GTF2IRD1: variants seen among roughly 807,000 people sequenced by gnomAD.
GTF2IRD1 encodes GTF2I repeat domain containing 1.
Under a neutral mutation model 113.2 loss-of-function variants are expected in GTF2IRD1, and 26 were observed. The ratio of observed to expected loss-of-function variants is 0.23; its 90% CI spans 0.17 to 0.32. The LOEUF is 0.32. Among genes scored for constraint, GTF2IRD1 ranks in the 10% least tolerant of loss-of-function variants. The pLI is 1.00. For synonymous variants in GTF2IRD1, 484 were observed against 529.1 expected (o/e 0.91, Z 1.17); for missense variants, 864 against 1,280.8 (o/e 0.67, Z 4.97).
chr7:74,574,726 A>G (rs1184859583), intron 22 of GTF2IRD1, among the ~76,000 whole-genome samples: 1 of 151,140 alleles, frequency 6.6e-6, no homozygotes, highest in Non-Finnish European at 1.5e-5. Context: ...CTTCCAAAGT[A>G]CTGGGATTAC....
At chr7:74,476,092 G>C (rs1794389120) in intron 1 of GTF2IRD1, among the ~76,000 whole-genome samples, 1 of 152,168 alleles carries the variant, frequency 6.6e-6, no homozygotes, top group Non-Finnish European at 1.5e-5. Flanking sequence ...GTGGTGGTGA[G>C]GGATGGGGGT....
intron 22 of GTF2IRD1, among the ~76,000 whole-genome samples, chr7:74,570,031 G>C (rs1800597845): frequency 6.6e-6 from 1 of 152,120 alleles, no homozygotes; most frequent in African/African-American, 2.4e-5. Flanking sequence ...AAGAAGAGCT[G>C]AGTCAGGAGC....
rs587617403 is a variant in GTF2IRD1, at chr7:74,544,311, G to A, written c.1619-444G>A. 2.0e-5 allele frequency among the ~76,000 whole-genome samples: 3 copies of A among 152,194 alleles called. No homozygotes were observed. The South Asian group carries it at 6.2e-4, about 32-fold the overall frequency. ...GGCGATTCTCCTGCCTCAGCCTCCC[G>A]AGTAGCTGGGATTACAGGCATGCGC... On this transcript the variant is annotated intron_variant, in intron 14 of 26. Transcript: ENST00000424337.
intron 22 of GTF2IRD1, among the ~76,000 whole-genome samples, chr7:74,578,691 C>T (rs1450647160): frequency 2.0e-5 from 3 of 152,098 alleles, no homozygotes; most frequent in Admixed American, 6.6e-5. Context: ...TTTGCTGTTA[C>T]TAAGAATGCA....
At chr7:74,599,834 T>A (rs1417290301) in intron 25 of GTF2IRD1, among the ~76,000 whole-genome samples, 1 of 152,024 alleles carries the variant, frequency 6.6e-6, no homozygotes, top group South Asian at 2.1e-4. Flanking sequence ...CAGGTCCTCT[T>A]TATACCCTCC....
chr7:74,523,966 C>G (rs587774600), intron 7 of GTF2IRD1, 105 bp from the exon 8 acceptor site: 1 of 754,334 alleles, frequency 1.3e-6, no homozygotes, highest in African/African-American at 1.7e-5. Context: ...GGGCTGGGGC[C>G]GGCCTCGGGG....
intron 3 of GTF2IRD1, 190 bp from the exon 4 acceptor site, chr7:74,515,251 C>A (rs1796859490): frequency 1.6e-6 from 2 of 1,215,618 alleles, no homozygotes; most frequent in African/African-American, 3.0e-5. Flanking sequence ...CTGAGATGAC[C>A]AGCCCTGGCC....
chr7:74,588,698 C>A (rs1373161305), intron 22 of GTF2IRD1, among the ~76,000 whole-genome samples: 2 of 151,408 alleles, frequency 1.3e-5, no homozygotes, highest in South Asian at 4.2e-4. Flanking sequence ...CCCAGCTAAT[C>A]TTTTTGTATT....
intron 14 of GTF2IRD1, among the ~76,000 whole-genome samples, chr7:74,544,388 GT>G (rs1437497082): frequency 6.6e-6 from 1 of 152,136 alleles, no homozygotes; most frequent in African/African-American, 2.4e-5. Flanking sequence ...ATTTCCCCAT[GT>G]TGGCCAAGCT....
chr7:74,568,626 C>T (rs1407822971), intron 22 of GTF2IRD1, among the ~76,000 whole-genome samples: 17 of 151,906 alleles, frequency 1.1e-4, no homozygotes, highest in South Asian at 1.0e-3. Flanking sequence ...CCAGCCTGTG[C>T]GACAGAGCGA....
intron 1 of GTF2IRD1, among the ~76,000 whole-genome samples, chr7:74,501,148 C>T (rs1554339352): frequency 6.6e-6 from 1 of 152,114 alleles, no homozygotes; most frequent in Non-Finnish European, 1.5e-5. Flanking sequence ...TGAGGGGTCT[C>T]CTCTTTGCCT....
intron 14 of GTF2IRD1, among the ~76,000 whole-genome samples, chr7:74,540,534 G>GTGTACCA (rs1280998424): frequency 6.6e-6 from 1 of 151,980 alleles, no homozygotes; most frequent in Non-Finnish European, 1.5e-5. Flanking sequence ...ACTATTTATT[G>GTGTACCA]AGCATCTGTT....
chr7:74,509,996 C>T (rs1430427473), intron 2 of GTF2IRD1, among the ~76,000 whole-genome samples: 3 of 152,018 alleles, frequency 2.0e-5, no homozygotes, highest in Non-Finnish European at 2.9e-5. Context: ...GTTTTTAGAG[C>T]GAACTTCTGG....
chr7:74,529,849 C>T lies in GTF2IRD1; in HGVS notation c.1206C>T (p.Cys402=), dbSNP rs1554348306. 1.2e-6 allele frequency: 2 copies of T among 1,614,102 alleles called. No individual in the cohort carries two copies. Among genetic ancestry groups the T allele is most frequent in the East Asian group, 4.5e-5 (2 of 44,870 alleles). Residue 402 remains cysteine (C), a synonymous_variant, in exon 9 of 27, where the codon TGC becomes TGT. Transcript: ENST00000424337. ...ACAAGATCCCCTTCAAGCGCCCCTG[C>T]ACTTATGGAGTCCCCAAGCTGAAGC... The part of the protein sequence containing the change: ...IPDKIPFKRP[C]TYGVPKLKRI...
intron 22 of GTF2IRD1, among the ~76,000 whole-genome samples, chr7:74,577,418 T>C (rs587670966): frequency 3.3e-5 from 5 of 152,310 alleles, no homozygotes; most frequent in Non-Finnish European, 7.4e-5. Context: ...AATTTCTCTT[T>C]CTTTTTCTCT....
rs1797134566 is a variant in GTF2IRD1, at chr7:74,519,433, C to T, written c.630C>T (p.Asp210=). 3.2e-6 allele frequency: 5 copies of T among 1,540,042 alleles called. No homozygotes were observed. The highest frequency in any genetic ancestry group is 4.4e-6 in the Non-Finnish European group (5 of 1,144,432). ...LKRPLEDGGR[D]SKALVELNGV... ...GGCCACTTGAGGATGGCGGGCGGGA[C>T]TCGAAGGCCCTGGTGGAGCTGAACG... The change falls in exon 6 of 27, where the codon GAC becomes GAT. Residue 210 remains aspartate (D), a synonymous_variant. Coordinates refer to ENST00000424337, the MANE Select transcript of GTF2IRD1 (RefSeq NM_005685.4).
At chr7:74,561,462 G>A (rs1490446859) in intron 22 of GTF2IRD1, among the ~76,000 whole-genome samples, 2 of 152,020 alleles carry the variant, frequency 1.3e-5, no homozygotes, top group Non-Finnish European at 2.9e-5. Flanking sequence ...AGGGTTTCCT[G>A]GAGTAAGGAT....
intron 1 of GTF2IRD1, among the ~76,000 whole-genome samples, chr7:74,486,473 C>T (rs1027863981): frequency 6.6e-6 from 1 of 152,220 alleles, no homozygotes; most frequent in African/African-American, 2.4e-5. Context: ...TTGAGCCCCC[C>T]ATTGCCTGCT....
intron 4 of GTF2IRD1, among the ~76,000 whole-genome samples, chr7:74,516,197 C>T (rs951207194): frequency 6.6e-5 from 10 of 152,190 alleles, no homozygotes; most frequent in Non-Finnish European, 1.3e-4. Context: ...CAGACACCTG[C>T]GTGGCACTGA....
Sources: gnomAD v4.1 joint callset for allele counts (sites outside exome capture counted in the v4.1 genomes callset) on GRCh38, gnomAD v4.1.1 for gene constraint, MANE v1.5 for transcripts, NCBI Gene and HGNC (gene_info 2026-07-23, HGNC 2026-07-21) for gene names.